UTP6: variants seen among roughly 807,000 people sequenced by gnomAD.
UTP6 encodes UTP6 small subunit processome component.
In UTP6, 60 loss-of-function variants were observed where a neutral mutation model predicts 96.5. The observed-to-expected ratio is 0.62, with a 90% CI of 0.51 to 0.77. UTP6 has a LOEUF of 0.77. Among genes scored for constraint, UTP6 ranks in the 30% least tolerant of loss-of-function variants. UTP6 has a pLI of 0.00. For missense variants in UTP6, 637 were observed against 706.5 expected, an observed-to-expected ratio of 0.90 and a Z score of 1.12; for synonymous variants, 215 against 240.1, an observed-to-expected ratio of 0.90 and a Z score of 0.96.
At position 31,892,749 on chromosome 17, in the gene UTP6, A is replaced by C. The variant is rs566763795; in HGVS notation, c.358T>G (p.Trp120Gly). ...WLSYVAFCKK[W>G]ATKTRLSKVF... The stretch of plus-strand genomic sequence containing the variant: ...AAGACATGCATGGCTTTACTCACCC[A>C]CTTCTTACAAAAAGCCACATAGGAG... Residue 120 changes from tryptophan to glycine, a missense_variant and splice_region_variant, in exon 5 of 19, where the codon TGG (tryptophan) becomes GGG (glycine). By Grantham distance (184) the Trp-to-Gly change is radical (BLOSUM62 -2). Coordinates refer to ENST00000261708, the MANE Select transcript of UTP6 (RefSeq NM_018428.3). 2 of 1,614,168 alleles carry C rather than the reference A, an allele frequency of 1.2e-6. No individual in the cohort carries two copies. The highest frequency in any genetic ancestry group is 2.2e-5 in the East Asian group (1 of 44,886).
rs1239803546 is a variant in UTP6 at position 31,901,706 on chromosome 17, G to C, written c.-79C>G. ...GGAAGCTCCCGGTTTCAGGTTCGGA[G>C]ACCCAGCCCTACCACCGACGCGTCC... is the stretch of plus-strand genomic sequence containing the variant. On this transcript the variant is annotated 5_prime_UTR_variant, in exon 1 of 19. Transcript: ENST00000261708. 98 of 1,405,076 alleles carry C rather than the reference G, an allele frequency of 7.0e-5. No homozygotes were observed. The highest frequency in any genetic ancestry group is 2.8e-5 in the African/African-American group (2 of 71,514). The allele number at this position is 1,405,076 out of a possible 1,614,324, so 87.0% of individuals were successfully genotyped here.
At chr17:31,898,110 G>A (rs1039461619) in intron 2 of UTP6, among the ~76,000 whole-genome samples, 1 of 152,164 alleles carries the variant, frequency 6.6e-6, no homozygotes, top group Admixed American at 6.6e-5. Flanking sequence ...CGACAAGAGA[G>A]AAAGAGGAGG....
intron 12 of UTP6, among the ~76,000 whole-genome samples, 183 bp from the exon 13 acceptor site, chr17:31,878,510 C>T (rs1022633495): frequency 1.3e-5 from 2 of 152,184 alleles, no homozygotes; most frequent in Admixed American, 6.6e-5. Context: ...CCCAGTTACA[C>T]GAGAGCCCCT....
intron 15 of UTP6, 41 bp from the exon 16 acceptor site, chr17:31,873,528 AC>A (rs1910312000): frequency 6.2e-7 from 1 of 1,607,840 alleles, no homozygotes; most frequent in Non-Finnish European, 8.5e-7. Context: ...ATGTGAGAAA[AC>A]TTATAGATAC....
intron 2 of UTP6, among the ~76,000 whole-genome samples, chr17:31,898,974 G>A (rs1414936268): frequency 6.6e-6 from 1 of 152,122 alleles, no homozygotes; most frequent in African/African-American, 2.4e-5. Flanking sequence ...AGTGGTTGCA[G>A]TGAGCCAAGA....
intron 18 of UTP6, among the ~76,000 whole-genome samples, chr17:31,864,067 A>C (rs2049319333): frequency 6.6e-6 from 1 of 151,870 alleles, no homozygotes; most frequent in South Asian, 2.1e-4. Flanking sequence ...ATAAAAGTCT[A>C]TTTTATTCAA....
In UTP6 at chr17:31,892,908, C is replaced by T. The variant is rs1326497292; in HGVS notation, c.313-114G>A. 1.3e-4 allele frequency: 160 copies of T among 1,232,096 alleles called. No homozygotes were observed. In the East Asian group the frequency reaches 4.1e-3, roughly 32 times the overall value. The allele number at this position is 1,232,096 out of a possible 1,614,324, so 76.3% of individuals were successfully genotyped here. A position where few individuals can be genotyped will look rare whatever the true frequency, so the allele number is the denominator to read the frequency against. ...AAATTTCAGGTTGGATGCGGTGGCT[C>T]ACACCTGTAATCCCACCACTTTGTG... is the stretch of plus-strand genomic sequence containing the variant. On this transcript the variant is annotated intron_variant, in intron 4 of 18. Transcript: ENST00000261708.
At chr17:31,872,126 C>A (rs1050441723) in intron 16 of UTP6, among the ~76,000 whole-genome samples, 1 of 149,762 alleles carries the variant, frequency 6.7e-6, no homozygotes, top group African/African-American at 2.5e-5. Flanking sequence ...ACCCGGGAGG[C>A]AGAAGTTGCA....
intron 2 of UTP6, among the ~76,000 whole-genome samples, chr17:31,896,545 T>G (rs1185807135): frequency 6.6e-6 from 1 of 152,318 alleles, no homozygotes; most frequent in South Asian, 2.1e-4. Context: ...TCTTTATATA[T>G]GTGTATATGT....
rs374346676 is a variant in UTP6, at chr17:31,892,088, A to G, written c.424+172T>C. On this transcript the variant is annotated intron_variant, in intron 6 of 18. Coordinates refer to ENST00000261708, the MANE Select transcript of UTP6 (RefSeq NM_018428.3). ...ACACCTAGGACAGTAACTAGTATAT[A>G]GTAGGCAGGGGTGAACTATGAGGCA... The G allele has an allele frequency of 1.2e-4, 78 of 631,706 alleles. No individual in the cohort carries two copies. In the African/African-American group the frequency reaches 1.3e-3, roughly 11 times the overall value. 39.1% of individuals were successfully genotyped at this position (631,706 alleles called of 1,614,324 possible).
At chr17:31,887,376 G>GCAAGACCCTGTC in intron 7 of UTP6, 63 bp from the exon 8 acceptor site, 1 of 1,374,480 alleles carries the variant, frequency 7.3e-7, no homozygotes, top group Non-Finnish European at 1.0e-6. Context: ...TTGAGACAGG[G>GCAAGACCCTGTC]TCTTGCTCTG....
At chr17:31,900,531 C>T (rs12452926) in intron 1 of UTP6, among the ~76,000 whole-genome samples, 18,444 of 152,054 alleles carry the variant, frequency 0.12, 1,396 homozygotes, top group Middle Eastern at 0.19. Flanking sequence ...ACCTCGTGAT[C>T]CACCCACCTC....
At chr17:31,875,590 C>T (rs1415854515) in intron 13 of UTP6, among the ~76,000 whole-genome samples, 177 bp from the exon 14 acceptor site, 1 of 151,892 alleles carries the variant, frequency 6.6e-6, no homozygotes, top group Non-Finnish European at 1.5e-5. Flanking sequence ...TTTGGGAGGC[C>T]CAGGCGGGCA....
intron 2 of UTP6, among the ~76,000 whole-genome samples, chr17:31,898,786 T>C (rs1181800900): frequency 6.6e-6 from 1 of 152,030 alleles, no homozygotes; most frequent in East Asian, 1.9e-4. Context: ...CCTGTAATCA[T>C]AGCACTCGCT....
rs778425161 is a variant in UTP6 at position 31,887,311 on chromosome 17, G to A, written c.546C>T (p.Tyr182=). The A allele has an allele frequency of 1.9e-6, 3 of 1,613,476 alleles. No individual in the cohort carries two copies. In the South Asian group the frequency reaches 3.3e-5, roughly 18 times the overall value. The change falls in exon 8 of 19, where the codon TAC becomes TAT. Residue 182 remains tyrosine (Y), a splice_region_variant and synonymous_variant. Transcript: ENST00000261708. The part of the protein sequence containing the change: ...HPECPKLYKE[Y]FRMELMHAEK... ...CAGCATGCATCAGCTCCATCCTAAAGTACTACAGAAGAGAAATAAACTGAA... is the reference window on the plus strand; with the variant it reads ...CAGCATGCATCAGCTCCATCCTAAAATACTACAGAAGAGAAATAAACTGAA...
At chr17:31,893,293 G>C (rs763634808) in intron 4 of UTP6, among the ~76,000 whole-genome samples, 25 of 152,014 alleles carry the variant, frequency 1.6e-4, no homozygotes, top group Non-Finnish European at 2.8e-4. Context: ...AGGTGTGGTG[G>C]TATGTGCCTG....
At chr17:31,891,926 G>A (rs997401740) in intron 6 of UTP6, among the ~76,000 whole-genome samples, 1 of 152,206 alleles carries the variant, frequency 6.6e-6, no homozygotes, top group Non-Finnish European at 1.5e-5. Context: ...AGGAGGCTAA[G>A]GCAGGAGAAT....
At position 31,862,919 on chromosome 17, in the gene UTP6, A is replaced by T. The variant is rs1909606647; in HGVS notation, c.*440T>A. On this transcript the variant is annotated 3_prime_UTR_variant, in exon 19 of 19. Transcript: ENST00000261708. ...TGGCTCTTAGGTCGAGATTAGAGAT[A>T]CTCATGCTTGACCTGGGATAATTTT... 1 of 156,970 alleles carries T rather than the reference A, an allele frequency of 6.4e-6. No homozygotes were observed. Among genetic ancestry groups the T allele is most frequent in the Admixed American group, 6.2e-5 (1 of 16,210 alleles). 9.7% of individuals were successfully genotyped at this position (156,970 alleles called of 1,614,324 possible).
rs1281791845 is a variant in UTP6, at chr17:31,875,257, C to A, written c.1282G>T (p.Ala428Ser). 3.1e-6 allele frequency: 5 copies of A among 1,613,946 alleles called. No homozygotes were observed. The Admixed American group carries it at 8.3e-5, about 27-fold the overall frequency. The change falls in exon 14 of 19, where the codon GCC becomes TCC. Residue 428 changes from alanine (A) to serine (S), a missense_variant. Ala to Ser is a moderately conservative substitution (Grantham distance 99). Coordinates refer to ENST00000261708, the MANE Select transcript of UTP6 (RefSeq NM_018428.3). ...ACCTGGGGTTTCAGGTGCACAAAGG[C>A]TTCTTCAAAAAGCATGGCTATGTCA... ...SPDIAMLFEEAFVHLKPQVCL... is the reference protein window; with the variant it reads ...SPDIAMLFEESFVHLKPQVCL...
Sources: allele counts gnomAD v4.1 joint callset (sites outside exome capture counted in the v4.1 genomes callset), GRCh38; gene constraint gnomAD v4.1.1; transcripts MANE v1.5; gene names NCBI Gene and HGNC (gene_info 2026-07-23, HGNC 2026-07-21).